ANKS1B: variants seen among roughly 807,000 people sequenced by gnomAD.
The protein encoded by ANKS1B is ankyrin repeat and sterile alpha motif domain containing 1B.
In ANKS1B, 36 loss-of-function variants were observed where a neutral mutation model predicts 148.3. The ratio of observed to expected loss-of-function variants is 0.24; its 90% CI spans 0.19 to 0.32. ANKS1B has a LOEUF of 0.32. Ranked by LOEUF, ANKS1B falls within the 10% of genes least tolerant of loss-of-function variation. The pLI is 1.00. For missense variants in ANKS1B, 1,157 were observed against 1,542.6 expected, an observed-to-expected ratio of 0.75 and a Z score of 4.19; for synonymous variants, 542 against 560.8, an observed-to-expected ratio of 0.97 and a Z score of 0.47.
intron 8 of ANKS1B, among the ~76,000 whole-genome samples, chr12:99,680,315 C>T (rs1275713165): frequency 2.0e-5 from 3 of 152,160 alleles, no homozygotes; most frequent in Non-Finnish European, 4.4e-5. Context: ...GTGGCACATG[C>T]CTATAATCCC....
intron 12 of ANKS1B, among the ~76,000 whole-genome samples, chr12:99,381,334 A>C (rs540277733): frequency 5.3e-4 from 81 of 152,360 alleles, no homozygotes; most frequent in Non-Finnish European, 9.7e-4. Context: ...ATTCCAGCTT[A>C]GGCTGGAGAT....
chr12:99,732,351 T>A (rs944689799), intron 8 of ANKS1B, among the ~76,000 whole-genome samples: 7 of 152,196 alleles, frequency 4.6e-5, no homozygotes, highest in African/African-American at 1.4e-4. Flanking sequence ...CAAAGATTCA[T>A]AACTTTATTA....
At chr12:99,668,197 G>A (rs1190900200) in intron 8 of ANKS1B, among the ~76,000 whole-genome samples, 1 of 152,004 alleles carries the variant, frequency 6.6e-6, no homozygotes. Flanking sequence ...TTCTTCTTGA[G>A]TTACTTTTCC....
chr12:99,815,437 A>T (rs1384172774), intron 2 of ANKS1B, among the ~76,000 whole-genome samples: 1 of 151,824 alleles, frequency 6.6e-6, no homozygotes, highest in African/African-American at 2.4e-5. Context: ...GTTTTGAAAA[A>T]TGTATTTATT....
intron 12 of ANKS1B, among the ~76,000 whole-genome samples, chr12:99,333,212 T>C (rs748343182): frequency 6.6e-6 from 1 of 151,992 alleles, no homozygotes; most frequent in Non-Finnish European, 1.5e-5. Flanking sequence ...TTGTAGGCAG[T>C]GGGGAGACAC....
At chr12:99,358,429 G>T (rs1405265513) in intron 12 of ANKS1B, among the ~76,000 whole-genome samples, 1 of 151,814 alleles carries the variant, frequency 6.6e-6, no homozygotes, top group Non-Finnish European at 1.5e-5. Context: ...AAATATCATG[G>T]TTTTTATATT....
chr12:99,016,022 C>T (rs1410540822), intron 17 of ANKS1B, among the ~76,000 whole-genome samples: 3 of 152,104 alleles, frequency 2.0e-5, no homozygotes, highest in Non-Finnish European at 4.4e-5. Context: ...AGAACTATAC[C>T]AGGCTTTACA....
chr12:99,562,065 C>A (rs2097342184), intron 9 of ANKS1B, among the ~76,000 whole-genome samples: 1 of 152,182 alleles, frequency 6.6e-6, no homozygotes, highest in Non-Finnish European at 1.5e-5. Flanking sequence ...ACACTAATAT[C>A]CTTGTACATT....
chr12:99,480,769 G>GT (rs2096398315), intron 10 of ANKS1B, among the ~76,000 whole-genome samples: 1 of 151,714 alleles, frequency 6.6e-6, no homozygotes, highest in Non-Finnish European at 1.5e-5. Flanking sequence ...GCTTTTGGTT[G>GT]TTTTTGGCAA....
At chr12:99,568,555 G>A (rs1453358652) in intron 9 of ANKS1B, among the ~76,000 whole-genome samples, 1 of 151,952 alleles carries the variant, frequency 6.6e-6, no homozygotes, top group Non-Finnish European at 1.5e-5. Flanking sequence ...ATTTCATTTG[G>A]GCTGATGATA....
At chr12:99,829,640 CTCCG>C (rs974269332) in intron 1 of ANKS1B, among the ~76,000 whole-genome samples, 3 of 150,958 alleles carry the variant, frequency 2.0e-5, no homozygotes, top group Non-Finnish European at 3.0e-5. Flanking sequence ...GAGAGCGAGA[CTCCG>C]TCTCAAAAAC....
Position 99,447,751 on chromosome 12 carries a change from T to G in ANKS1B, c.1439-3942A>C, listed in dbSNP as rs185317756. ...AAATATATGGAACTCAAACAACTCA[T>G]AGTGAGAAAACAATAACCTGATTTA... On this transcript the variant is annotated intron_variant, in intron 10 of 26. Transcript: ENST00000683438. Among the ~76,000 whole-genome samples, 7 of 152,116 alleles carry G rather than the reference T, an allele frequency of 4.6e-5. No homozygotes were observed. In the East Asian group the frequency reaches 1.4e-3, roughly 29 times the overall value.
chr12:98,827,962 A>G (rs2099263816), intron 19 of ANKS1B, among the ~76,000 whole-genome samples: 2 of 152,244 alleles, frequency 1.3e-5, no homozygotes, highest in South Asian at 2.1e-4. Flanking sequence ...TGGGGGGAAA[A>G]AGCTTTCAGA....
chr12:99,142,807 T>C (rs1158712872), intron 15 of ANKS1B, among the ~76,000 whole-genome samples: 1 of 152,104 alleles, frequency 6.6e-6, no homozygotes, highest in South Asian at 2.1e-4. Context: ...TCTTAAATGA[T>C]TGATTTGTTG....
intron 12 of ANKS1B, among the ~76,000 whole-genome samples, chr12:99,260,641 T>C (rs1393256645): frequency 6.6e-6 from 1 of 152,210 alleles, no homozygotes; most frequent in Non-Finnish European, 1.5e-5. Flanking sequence ...ACAAAAATCC[T>C]CTATAAGGCT....
intron 12 of ANKS1B, among the ~76,000 whole-genome samples, chr12:99,388,429 T>A (rs1220601306): frequency 6.6e-6 from 1 of 152,168 alleles, no homozygotes; most frequent in Non-Finnish European, 1.5e-5. Flanking sequence ...TCCTTCCCTC[T>A]TTATTGTGTA....
At chr12:99,472,651 G>A (rs1002873294) in intron 10 of ANKS1B, among the ~76,000 whole-genome samples, 2 of 152,046 alleles carry the variant, frequency 1.3e-5, no homozygotes, top group Non-Finnish European at 2.9e-5. Context: ...GAAAATAGGA[G>A]GGTAAAGGAT....
At chr12:98,773,493 T>C (rs555866947) in intron 24 of ANKS1B, among the ~76,000 whole-genome samples, 1 of 152,318 alleles carries the variant, frequency 6.6e-6, no homozygotes, top group East Asian at 1.9e-4. Context: ...CTCACTCTGT[T>C]GCTCAGGCTG....
At chr12:99,970,422 A>T (rs1603545679) in intron 1 of ANKS1B, among the ~76,000 whole-genome samples, 1 of 152,214 alleles carries the variant, frequency 6.6e-6, no homozygotes, top group Admixed American at 6.5e-5. Context: ...AACATGCTTA[A>T]GAAAAAAGTT....
Sources: gnomAD v4.1 joint callset for allele counts (sites outside exome capture counted in the v4.1 genomes callset) on GRCh38, gnomAD v4.1.1 for gene constraint, MANE v1.5 for transcripts, NCBI Gene and HGNC (gene_info 2026-07-23, HGNC 2026-07-21) for gene names.